The following LGALS8 variants were observed in gnomAD, a reference collection of about 807,000 sequenced individuals.
The protein encoded by LGALS8 is galectin 8.
Under a neutral mutation model 35.9 loss-of-function variants are expected in LGALS8, and 30 were observed. That is an observed-to-expected ratio of 0.83 (90% CI 0.62 to 1.13). The LOEUF (loss-of-function observed/expected upper bound fraction) is 1.13. LGALS8 is among the 50% of genes most tolerant of loss of function. LGALS8 has a pLI of 0.00. For synonymous variants in LGALS8, 138 were observed against 136.1 expected (o/e 1.01, Z -0.10); for missense variants, 366 against 388.7 (o/e 0.94, Z 0.49).
At chr1:236,523,767 C>T (rs936976420), upstream of LGALS8, 43 of 329,972 alleles carry the variant, frequency 1.3e-4, no homozygotes, top group Admixed American at 1.4e-3. Context: ...CCACAGCAAG[C>T]CAGTCGCGGT....
rs148576474 is a variant in LGALS8, at chr1:236,548,999, G to A, written c.*838G>A. On this transcript the variant is annotated 3_prime_UTR_variant, in exon 10 of 10. Coordinates refer to ENST00000366584, the MANE Select transcript of LGALS8 (RefSeq NM_201544.4). ...TACAGAAAGTTTCAGGAAGAGGCAA[G>A]ATGCATTCAATTTGAAAGATATTTA... is the stretch of plus-strand genomic sequence containing the variant. 5.8e-4 allele frequency: 232 copies of A among 398,620 alleles called. 2 individuals are homozygous for A. Among genetic ancestry groups the A allele is most frequent in the African/African-American group, 4.2e-3 (203 of 48,732 alleles). 24.7% of individuals were successfully genotyped at this position (398,620 alleles called of 1,614,324 possible). A position where few individuals can be genotyped will look rare whatever the true frequency, so the allele number is the denominator to read the frequency against.
intron 2 of LGALS8, among the ~76,000 whole-genome samples, chr1:236,532,304 T>C (rs1661193602): frequency 2.0e-5 from 3 of 152,202 alleles, no homozygotes; most frequent in Admixed American, 2.0e-4. Flanking sequence ...TTAATTCTTT[T>C]CTGCATACCT....
chr1:236,537,478 G>A lies in LGALS8; in HGVS notation c.46-19G>A, dbSNP rs751930189. ...ATTTTGTTTATGTAAACGTACATTT[G>A]TTAAATTTTTTTTCTTAGGTAATCC... On this transcript the variant is annotated intron_variant, in intron 2 of 9. Coordinates refer to ENST00000366584, the MANE Select transcript of LGALS8 (RefSeq NM_201544.4). 2.7e-6 allele frequency: 4 copies of A among 1,485,302 alleles called. No homozygotes were observed. The highest frequency in any genetic ancestry group is 2.7e-5 in the African/African-American group (2 of 73,456). The allele number at this position is 1,485,302 out of a possible 1,614,324, so 92.0% of individuals were successfully genotyped here. A position where few individuals can be genotyped will look rare whatever the true frequency, so the allele number is the denominator to read the frequency against.
chr1:236,530,095 T>A (rs1461608628), intron 2 of LGALS8, among the ~76,000 whole-genome samples: 3 of 152,210 alleles, frequency 2.0e-5, no homozygotes, highest in African/African-American at 4.8e-5. Context: ...GTTTATAGAG[T>A]TCTTAAGATA....
At chr1:236,545,447 T>C (rs760805234) in intron 9 of LGALS8, among the ~76,000 whole-genome samples, 3 of 152,178 alleles carry the variant, frequency 2.0e-5, no homozygotes, top group African/African-American at 4.8e-5. Flanking sequence ...TCCCGAAATA[T>C]GTTTCTGGGA....
chr1:236,518,450 G>A (rs1266380), upstream of LGALS8: 79,653 of 152,062 alleles, frequency 0.52, 20,969 homozygotes, highest in African/African-American at 0.59. Context: ...GGAAGAGGTA[G>A]AAGACACCGT....
intron 2 of LGALS8, among the ~76,000 whole-genome samples, chr1:236,534,982 AC>A (rs5781892): frequency 0.61 from 90,878 of 148,214 alleles, 28,643 homozygotes; most frequent in Non-Finnish European, 0.69. Flanking sequence ...AATCGCTTGA[AC>A]CCGGGAGGCA....
chr1:236,540,539 G>A (rs761664241), intron 4 of LGALS8, 25 bp from the exon 5 acceptor site: 7 of 1,516,570 alleles, frequency 4.6e-6, no homozygotes, highest in East Asian at 2.4e-5. Context: ...TGGCGGGGGG[G>A]GCTCTGTCTT....
chr1:236,541,906 T>C (rs1422853839), intron 6 of LGALS8, among the ~76,000 whole-genome samples, 196 bp downstream of exon 6: 1 of 152,238 alleles, frequency 6.6e-6, no homozygotes, highest in Non-Finnish European at 1.5e-5. Context: ...TCAGTTTCTG[T>C]AACTGCCACT....
rs1363141157 is a variant in LGALS8 at position 236,548,998 on chromosome 1, A to AGAT, written c.*839_*841dup. ...CTACAGAAAGTTTCAGGAAGAGGCA[A>AGAT]GATGCATTCAATTTGAAAGATATTT... On this transcript the variant is annotated 3_prime_UTR_variant, in exon 10 of 10. Coordinates refer to ENST00000366584, the MANE Select transcript of LGALS8 (RefSeq NM_201544.4). 2.5e-6 allele frequency: 1 copy of AGAT among 398,538 alleles called. No individual in the cohort carries two copies. Among genetic ancestry groups the AGAT allele is most frequent in the East Asian group, 3.6e-5 (1 of 28,096 alleles). The allele number at this position is 398,538 out of a possible 1,614,324, so 24.7% of individuals were successfully genotyped here. A position where few individuals can be genotyped will look rare whatever the true frequency, so the allele number is the denominator to read the frequency against.
chr1:236,545,156 G>A (rs901594741), intron 9 of LGALS8: 4 of 322,968 alleles, frequency 1.2e-5, no homozygotes, highest in Non-Finnish European at 2.3e-5. Context: ...TAAAATTCCT[G>A]TGTAGCCCCA....
chr1:236,530,016 C>G (rs1182782757), intron 2 of LGALS8, among the ~76,000 whole-genome samples: 1 of 152,172 alleles, frequency 6.6e-6, no homozygotes, highest in East Asian at 1.9e-4. Flanking sequence ...TACTTCATAC[C>G]AGGAATGCTG....
intron 9 of LGALS8, 147 bp from the exon 10 acceptor site, chr1:236,547,865 T>C: frequency 3.2e-6 from 2 of 623,048 alleles, no homozygotes; most frequent in East Asian, 2.8e-5. Flanking sequence ...TAGATTAGGG[T>C]CTTGGAAGTC....
chr1:236,526,336 T>A lies in LGALS8; in HGVS notation c.45+221T>A. 2.5e-6 allele frequency: 1 copy of A among 398,896 alleles called. No homozygotes were observed. Among genetic ancestry groups the A allele is most frequent in the Non-Finnish European group, 4.5e-6 (1 of 222,476 alleles). The allele number at this position is 398,896 out of a possible 1,614,324, so 24.7% of individuals were successfully genotyped here. A position where few individuals can be genotyped will look rare whatever the true frequency, so the allele number is the denominator to read the frequency against. On this transcript the variant is annotated intron_variant, in intron 2 of 9. Coordinates refer to ENST00000366584, the MANE Select transcript of LGALS8 (RefSeq NM_201544.4). This position sits in a 1 kb window ranked among gnomAD's most constrained non-coding sequence, Gnocchi z 4.6. ...AATATGACGTGATGAAACAGTGTTA[T>A]GAACAGGGAACGTCTGGGTAGAGTG...
intron 2 of LGALS8, among the ~76,000 whole-genome samples, chr1:236,533,034 A>C (rs1278703691): frequency 6.6e-6 from 1 of 152,192 alleles, no homozygotes; most frequent in Non-Finnish European, 1.5e-5. Flanking sequence ...TCAGTCACCC[A>C]GATGACCTCC....
rs958419787 is a variant in LGALS8, at chr1:236,524,034, G to A, written c.-131G>A. ...TAGCTGCTGACAAACAACCTGCTCC[G>A]TGGAGCGCCTGAAACACCAGTCTTT... is the stretch of plus-strand genomic sequence containing the variant. On this transcript the variant is annotated 5_prime_UTR_variant, in exon 1 of 10. It adds an upstream start codon to the 5' untranslated region. Coordinates refer to ENST00000366584, the MANE Select transcript of LGALS8 (RefSeq NM_201544.4). The A allele has an allele frequency of 2.2e-6, 1 of 446,628 alleles. No homozygotes were observed. The allele number at this position is 446,628 out of a possible 1,614,324, so 27.7% of individuals were successfully genotyped here. A position where few individuals can be genotyped will look rare whatever the true frequency, so the allele number is the denominator to read the frequency against.
chr1:236,519,948 ATTTTTTT>A (rs35589317), upstream of LGALS8, among the ~76,000 whole-genome samples: 4 of 109,442 alleles, frequency 3.7e-5, no homozygotes, highest in Admixed American at 9.9e-5. Context: ...GTTTTGTACA[ATTTTTTT>A]TTTTTTTTTT....
chr1:236,521,774 G>A (rs1253529034), upstream of LGALS8, among the ~76,000 whole-genome samples: 2 of 151,634 alleles, frequency 1.3e-5, no homozygotes, highest in Non-Finnish European at 1.5e-5. Context: ...GCTGCAGTGA[G>A]CTGAGAATGT....
Position 236,550,942 on chromosome 1 carries a change from A to C in LGALS8, c.*2781A>C. On this transcript the variant is annotated 3_prime_UTR_variant, in exon 10 of 10. Transcript: ENST00000366584. ...GAGTGGCTCTCCCAGGACAGTTTCC[A>C]GTTGCTGAATAGTCTTTTGGCACTG... 6.2e-7 allele frequency: 1 copy of C among 1,608,476 alleles called. No individual in the cohort carries two copies. Among genetic ancestry groups the C allele is most frequent in the Non-Finnish European group, 8.5e-7 (1 of 1,177,728 alleles).
Sources: gnomAD v4.1 joint callset for allele counts (sites outside exome capture counted in the v4.1 genomes callset) on GRCh38, gnomAD v4.1.1 for gene constraint, Gnocchi (gnomAD v3.1) non-coding constraint, MANE v1.5 for transcripts, NCBI Gene and HGNC (gene_info 2026-07-23, HGNC 2026-07-21) for gene names.